The following BMPR1B variants were observed in gnomAD, a reference collection of about 807,000 sequenced individuals.
The protein encoded by BMPR1B is bone morphogenetic protein receptor type 1B.
In BMPR1B, 12 loss-of-function variants were observed where a neutral mutation model predicts 59.1. The observed-to-expected ratio is 0.20, with a 90% CI of 0.13 to 0.33. The LOEUF is 0.33. Ranked by LOEUF, BMPR1B falls within the 10% of genes least tolerant of loss-of-function variation. The pLI, the probability that BMPR1B is intolerant of heterozygous loss-of-function variation, is 1.00. For synonymous variants in BMPR1B, 237 were observed against 207.3 expected (o/e 1.14, Z -1.23); for missense variants, 550 against 610.9 (o/e 0.90, Z 1.05).
At chr4:95,092,713 A>C (rs1054774702) in intron 3 of BMPR1B, among the ~76,000 whole-genome samples, 36 of 152,216 alleles carry the variant, frequency 2.4e-4, no homozygotes, top group African/African-American at 7.0e-4. Flanking sequence ...AATGTTTTCC[A>C]GGTTTTTTCT....
chr4:94,831,885 T>A (rs1000167308), intron 1 of BMPR1B, among the ~76,000 whole-genome samples: 1 of 152,138 alleles, frequency 6.6e-6, no homozygotes, highest in Non-Finnish European at 1.5e-5. Context: ...GAACAGCACA[T>A]ATGAGGGATC....
chr4:95,002,863 T>C (rs549393707), intron 3 of BMPR1B, among the ~76,000 whole-genome samples: 67 of 152,300 alleles, frequency 4.4e-4, no homozygotes, highest in South Asian at 8.3e-4. Context: ...GAAAGTGATA[T>C]TTAATTTACT....
chr4:95,025,779 C>T (rs1264295868), intron 3 of BMPR1B, among the ~76,000 whole-genome samples: 2 of 152,138 alleles, frequency 1.3e-5, no homozygotes, highest in Non-Finnish European at 2.9e-5. Flanking sequence ...TGTTATAGAA[C>T]TTTGACCAAA....
chr4:95,148,352 T>C (rs1475878046), intron 10 of BMPR1B, among the ~76,000 whole-genome samples: 1 of 152,216 alleles, frequency 6.6e-6, no homozygotes, highest in Non-Finnish European at 1.5e-5. Flanking sequence ...AAATTTGATC[T>C]ATTGGTAATG....
intron 1 of BMPR1B, among the ~76,000 whole-genome samples, chr4:94,864,857 G>A (rs2148960814): frequency 6.6e-6 from 1 of 152,282 alleles, no homozygotes; most frequent in East Asian, 1.9e-4. Flanking sequence ...AAAACCCATA[G>A]TTACAGAGGG....
chr4:94,889,792 G>C (rs1342703624), intron 2 of BMPR1B, among the ~76,000 whole-genome samples: 3 of 151,998 alleles, frequency 2.0e-5, no homozygotes, highest in Non-Finnish European at 4.4e-5. Context: ...TAGGTTTTTT[G>C]GGTGGGTGGT....
intron 2 of BMPR1B, among the ~76,000 whole-genome samples, chr4:94,928,001 G>T (rs1728954408): frequency 6.6e-6 from 1 of 152,080 alleles, no homozygotes; most frequent in African/African-American, 2.4e-5. Context: ...GGTTATTTTT[G>T]TTAACAGAAA....
chr4:94,832,785 AAAAAAT>A (rs918574658), intron 1 of BMPR1B, among the ~76,000 whole-genome samples: 1 of 152,168 alleles, frequency 6.6e-6, no homozygotes, highest in Non-Finnish European at 1.5e-5. Flanking sequence ...TCCGTCTCAA[AAAAAAT>A]AAAAATAAGG....
At chr4:94,813,236 A>G (rs1723888411) in intron 1 of BMPR1B, among the ~76,000 whole-genome samples, 1 of 152,174 alleles carries the variant, frequency 6.6e-6, no homozygotes, top group African/African-American at 2.4e-5. Flanking sequence ...TGGTGATAAA[A>G]GAGCTGTGGG....
chr4:94,796,702 A>G (rs1723208678), intron 1 of BMPR1B, among the ~76,000 whole-genome samples: 1 of 152,098 alleles, frequency 6.6e-6, no homozygotes, highest in South Asian at 2.1e-4. Context: ...CAGTTCTTGT[A>G]TGTTGCCTAT....
chr4:94,910,010 A>G (rs1194427380), intron 2 of BMPR1B, among the ~76,000 whole-genome samples: 1 of 152,084 alleles, frequency 6.6e-6, no homozygotes, highest in African/African-American at 2.4e-5. Flanking sequence ...TTCTTGTAAT[A>G]TTTAAGAGCC....
At chr4:94,811,162 T>C (rs1578670757) in intron 1 of BMPR1B, among the ~76,000 whole-genome samples, 1 of 152,194 alleles carries the variant, frequency 6.6e-6, no homozygotes, top group Non-Finnish European at 1.5e-5. Flanking sequence ...TTAGGAGAAA[T>C]AGAAGTTTAT....
intron 2 of BMPR1B, among the ~76,000 whole-genome samples, chr4:94,930,129 C>T (rs1176700467): frequency 6.6e-6 from 1 of 152,086 alleles, no homozygotes; most frequent in Non-Finnish European, 1.5e-5. Flanking sequence ...TAACTGGTTT[C>T]CCTGCAGCCA....
At chr4:94,835,194 C>G (rs915480379) in intron 1 of BMPR1B, among the ~76,000 whole-genome samples, 1 of 151,822 alleles carries the variant, frequency 6.6e-6, no homozygotes, top group African/African-American at 2.4e-5. Flanking sequence ...TTAATATTTA[C>G]TGATTTATTT....
At chr4:95,141,033 G>A (rs1158526119) in intron 10 of BMPR1B, among the ~76,000 whole-genome samples, 2 of 152,182 alleles carry the variant, frequency 1.3e-5, no homozygotes, top group Non-Finnish European at 2.9e-5. Context: ...AGATGAAGAT[G>A]ATGGCTCAGA....
chr4:94,925,713 A>G (rs1042713518), intron 2 of BMPR1B, among the ~76,000 whole-genome samples: 11 of 152,176 alleles, frequency 7.2e-5, no homozygotes, highest in African/African-American at 2.7e-4. Context: ...AGAGATTTTA[A>G]TGGGAATTTG....
intron 2 of BMPR1B, among the ~76,000 whole-genome samples, chr4:94,984,101 C>T (rs572034264): frequency 6.6e-6 from 1 of 152,138 alleles, no homozygotes; most frequent in Non-Finnish European, 1.5e-5. Context: ...AGGGGGAGGG[C>T]ATGGTGTTAT....
At chr4:95,005,883 C>T (rs1447218904) in intron 3 of BMPR1B, among the ~76,000 whole-genome samples, 1 of 152,166 alleles carries the variant, frequency 6.6e-6, no homozygotes, top group Admixed American at 6.5e-5. Flanking sequence ...AAATGTAAAA[C>T]TGCAATTAGC....
chr4:95,048,844 A>AT (rs1332343005), intron 3 of BMPR1B, among the ~76,000 whole-genome samples: 2 of 152,142 alleles, frequency 1.3e-5, no homozygotes, highest in South Asian at 2.1e-4. Flanking sequence ...GTTTCATGAG[A>AT]TTTTTTGAAC....
Sources: gnomAD v4.1 joint callset for allele counts (sites outside exome capture counted in the v4.1 genomes callset) on GRCh38, gnomAD v4.1.1 for gene constraint, MANE v1.5 for transcripts, NCBI Gene and HGNC (gene_info 2026-07-23, HGNC 2026-07-21) for gene names.